RYR3: variants seen among roughly 807,000 people sequenced by gnomAD.
RYR3 encodes brain ryanodine receptor-calcium release channel.
RYR3 carries 207 observed loss-of-function variants against 584.3 expected under a neutral mutation model. The ratio of observed to expected loss-of-function variants is 0.35; its 90% CI spans 0.32 to 0.40. The LOEUF is 0.40. RYR3 is among the 10% of genes least tolerant of loss of function. The pLI, the probability that RYR3 is intolerant of heterozygous loss-of-function variation, is 1.00. For synonymous variants in RYR3, 2,416 were observed against 2,248.5 expected, an observed-to-expected ratio of 1.07 and a Z score of -2.11; for missense variants, 5,616 against 6,089.2, an observed-to-expected ratio of 0.92 and a Z score of 2.59.
intron 63 of RYR3, among the ~76,000 whole-genome samples, chr15:33,772,810 G>A (rs1339186118): frequency 6.6e-6 from 1 of 152,146 alleles, no homozygotes; most frequent in African/African-American, 2.4e-5. Flanking sequence ...TCTGTTGTGT[G>A]GGGGCTGGAA....
intron 2 of RYR3, among the ~76,000 whole-genome samples, chr15:33,489,459 T>C (rs2050781563): frequency 6.6e-6 from 1 of 152,240 alleles, no homozygotes; most frequent in Admixed American, 6.5e-5. Context: ...ACATCAAGTA[T>C]TTGATTTGCT....
Position 33,843,527 on chromosome 15 carries a change from GCT to G in RYR3, c.13252_13253del (p.Leu4418ValfsTer14). The G allele has an allele frequency of 6.2e-7, 1 of 1,604,292 alleles. No individual in the cohort carries two copies. The highest frequency in any genetic ancestry group is 8.5e-7 in the Non-Finnish European group (1 of 1,175,120). ...GAATTTCTACAACCTGAGGTTCCTT[GCT>G]CTGTTTGTAGCCTTCGCTATCAACT... ...ARNFYNLRFL[A>X]LFVAFAINFI... On this transcript the variant is annotated frameshift_variant, in exon 92 of 104. Transcript: ENST00000634891. LOFTEE classifies it high-confidence loss of function.
In RYR3 at chr15:33,545,838, G is replaced by T. The variant is rs1272356120; in HGVS notation, c.740+2123G>T. 2.6e-5 allele frequency among the ~76,000 whole-genome samples: 4 copies of T among 152,018 alleles called. No homozygotes were observed. In the East Asian group the frequency reaches 7.7e-4, roughly 29 times the overall value. On this transcript the variant is annotated intron_variant, in intron 8 of 103. Coordinates refer to ENST00000634891, the MANE Select transcript of RYR3 (RefSeq NM_001036.6). ...CCATTGCAATGGTGCTGACTCTCCA[G>T]AAGAAATCGTTTTCAGTCCCTGTAA...
chr15:33,813,445 A>C, intron 73 of RYR3, 22 bp from the exon 74 acceptor site: 8 of 1,594,708 alleles, frequency 5.0e-6, no homozygotes, highest in South Asian at 1.1e-5. Context: ...AATGTGCACC[A>C]ACCGATGTGA....
At chr15:33,333,557 G>C (rs1316221533) in intron 1 of RYR3, among the ~76,000 whole-genome samples, 1 of 152,012 alleles carries the variant, frequency 6.6e-6, no homozygotes, top group African/African-American at 2.4e-5. Context: ...AAAATAATAA[G>C]AGCCACATAT....
At chr15:33,764,844 A>G (rs1476914929) in intron 60 of RYR3, among the ~76,000 whole-genome samples, 1 of 152,080 alleles carries the variant, frequency 6.6e-6, no homozygotes, top group African/African-American at 2.4e-5. Context: ...TAGCCTGACT[A>G]ACATGGTGAA....
chr15:33,465,706 G>C (rs2048426266), intron 1 of RYR3: 2 of 518,906 alleles, frequency 3.9e-6, no homozygotes, highest in Non-Finnish European at 7.7e-6. Flanking sequence ...GTTTGGAGGT[G>C]ATTACAATAG....
intron 8 of RYR3, among the ~76,000 whole-genome samples, chr15:33,544,430 T>A (rs2056078363): frequency 6.6e-6 from 1 of 152,154 alleles, no homozygotes; most frequent in Non-Finnish European, 1.5e-5. Context: ...TTCTTTTCCT[T>A]TTGTGTAATG....
chr15:33,427,136 G>A (rs896839226), intron 1 of RYR3, among the ~76,000 whole-genome samples: 39 of 152,178 alleles, frequency 2.6e-4, no homozygotes, highest in Admixed American at 2.6e-3. Context: ...ATGGATACAG[G>A]GATCCAGGAG....
rs145470978 is a variant in RYR3, at chr15:33,426,303, C to T, written c.52-47116C>T. Among the ~76,000 whole-genome samples the T allele has an allele frequency of 1.6e-4, 24 of 152,118 alleles. 1 individual carries two copies. In the East Asian group the frequency reaches 3.1e-3, roughly 20 times the overall value. On this transcript the variant is annotated intron_variant, in intron 1 of 103. Coordinates refer to ENST00000634891, the MANE Select transcript of RYR3 (RefSeq NM_001036.6). ...AAAATGTTAATTTTTTTTAAGAAAA[C>T]GTGGCAAATGTGGGCATCCCCTGTG...
intron 1 of RYR3, among the ~76,000 whole-genome samples, chr15:33,391,269 G>T (rs1424112463): frequency 6.6e-6 from 1 of 152,174 alleles, no homozygotes; most frequent in African/African-American, 2.4e-5. Context: ...TCACTCTCAT[G>T]CAGCCAAGTA....
chr15:33,725,965 A>G (rs1596324021), intron 45 of RYR3, among the ~76,000 whole-genome samples: 1 of 21,496 alleles, frequency 4.7e-5, no homozygotes, highest in African/African-American at 1.3e-4. Context: ...GCAAGACTCC[A>G]TCCCCCCCCC....
At chr15:33,547,898 T>C (rs2056365780) in intron 8 of RYR3, among the ~76,000 whole-genome samples, 1 of 152,192 alleles carries the variant, frequency 6.6e-6, no homozygotes, top group Non-Finnish European at 1.5e-5. Context: ...GATGCATAAA[T>C]GCCCATGATA....
intron 1 of RYR3, among the ~76,000 whole-genome samples, chr15:33,411,820 A>G (rs2043431291): frequency 6.6e-6 from 1 of 152,034 alleles, no homozygotes; most frequent in Non-Finnish European, 1.5e-5. Context: ...CACATACCAC[A>G]CTGATGGCCA....
intron 100 of RYR3, 100 bp from the exon 101 acceptor site, chr15:33,860,494 CA>C: frequency 1.5e-6 from 1 of 646,714 alleles, no homozygotes; most frequent in South Asian, 3.0e-5. Context: ...TTTGATAATT[CA>C]CTTTTTTTTT....
chr15:33,723,314 A>G (rs968222071), intron 44 of RYR3, among the ~76,000 whole-genome samples: 4 of 152,226 alleles, frequency 2.6e-5, no homozygotes, highest in South Asian at 2.1e-4. Flanking sequence ...TTCTGAAAGC[A>G]TGAGGACTAA....
chr15:33,859,460 C>T (rs918531857), intron 99 of RYR3, 115 bp from the exon 100 acceptor site: 2 of 1,116,334 alleles, frequency 1.8e-6, no homozygotes, highest in Admixed American at 2.0e-5. Flanking sequence ...TGAAGAGTTC[C>T]CCTCTCGTGG....
chr15:33,662,822 G>T lies in RYR3; in HGVS notation c.5292G>T (p.Glu1764Asp). The T allele has an allele frequency of 6.2e-7, 1 of 1,613,970 alleles. No individual in the cohort carries two copies. Among genetic ancestry groups the T allele is most frequent in the Non-Finnish European group, 8.5e-7 (1 of 1,179,894 alleles). Residue 1764 changes from glutamate (E) to aspartate (D), a missense_variant, in exon 35 of 104, where the codon GAG becomes GAT. Transcript: ENST00000634891. ...GGGAGCATAGTGCGGGGACAGAGGA[G>T]GGAGCAGAAAAGGAGGAAGTGACCC... ...VFGEHSAGTE[E>D]GAEKEEVTQV... is the part of the protein sequence containing the mutation.
chr15:33,857,990 G>T (rs1205259349), intron 99 of RYR3, 76 bp downstream of exon 99: 6 of 1,580,376 alleles, frequency 3.8e-6, no homozygotes, highest in Non-Finnish European at 5.2e-6. Flanking sequence ...TGGGAAGAAG[G>T]GCTGTGTGGG....
Sources: gnomAD v4.1 joint callset for allele counts (sites outside exome capture counted in the v4.1 genomes callset) on GRCh38, gnomAD v4.1.1 for gene constraint, MANE v1.5 for transcripts, NCBI Gene and HGNC (gene_info 2026-07-23, HGNC 2026-07-21) for gene names.